Variants in LRRTM4 observed in about 807,000 individuals in gnomAD.
LRRTM4 encodes the protein leucine-rich repeat transmembrane neuronal protein 4.
LRRTM4 carries 25 observed loss-of-function variants against 47.6 expected under a neutral mutation model. That is an observed-to-expected ratio of 0.53 (90% CI 0.38 to 0.73). The LOEUF is 0.73. LRRTM4 is among the 30% of genes least tolerant of loss of function. The probability of loss-of-function intolerance (pLI) is 0.00; values close to 1 mark genes in which losing one functional copy is unlikely to be tolerated. For synonymous variants in LRRTM4, 311 were observed against 269.5 expected, an observed-to-expected ratio of 1.15 and a Z score of -1.51; for missense variants, 638 against 713.4, an observed-to-expected ratio of 0.89 and a Z score of 1.20.
At chr2:76,754,333 A>G (rs1186821127) in intron 3 of LRRTM4, among the ~76,000 whole-genome samples, 1 of 152,174 alleles carries the variant, frequency 6.6e-6, no homozygotes, top group East Asian at 1.9e-4. Flanking sequence ...GTTTTTTTCA[A>G]GAACTTTTAT....
At chr2:77,254,863 A>G (rs1222608643) in intron 3 of LRRTM4, among the ~76,000 whole-genome samples, 1 of 151,462 alleles carries the variant, frequency 6.6e-6, no homozygotes, top group Non-Finnish European at 1.5e-5. Flanking sequence ...ATAGAAGTAA[A>G]AGCGAACAGA....
intron 3 of LRRTM4, among the ~76,000 whole-genome samples, chr2:76,905,080 C>G (rs1673778272): frequency 6.6e-6 from 1 of 152,102 alleles, no homozygotes; most frequent in African/African-American, 2.4e-5. Context: ...CACTGAGCAG[C>G]CTAACTAGGA....
chr2:77,103,275 A>G (rs1289091160), intron 3 of LRRTM4, among the ~76,000 whole-genome samples: 1 of 152,234 alleles, frequency 6.6e-6, no homozygotes, highest in Non-Finnish European at 1.5e-5. Context: ...TTTACCGCAG[A>G]AAATAAAAGA....
At chr2:76,839,833 T>C (rs1433783169) in intron 3 of LRRTM4, among the ~76,000 whole-genome samples, 2 of 152,100 alleles carry the variant, frequency 1.3e-5, no homozygotes, top group Non-Finnish European at 2.9e-5. Flanking sequence ...TAAAAATGCA[T>C]AAAAAGAAAG....
At chr2:77,378,964 T>G (rs1672943827) in intron 3 of LRRTM4, among the ~76,000 whole-genome samples, 1 of 152,182 alleles carries the variant, frequency 6.6e-6, no homozygotes, top group African/African-American at 2.4e-5. Flanking sequence ...ATGTTCATTA[T>G]CACTGAAAAT....
At position 77,521,531 on chromosome 2, in the gene LRRTM4, T is replaced by C. The variant is rs930583412; in HGVS notation, c.4+137A>G. On this transcript the variant is annotated intron_variant, in intron 2 of 3. Coordinates refer to ENST00000409884, the MANE Select transcript of LRRTM4 (RefSeq NM_001134745.3). ...TGATCTAAAAATATAATAGCAACTATAGTGAATCAACTGGCAAACTCAAAG... is the reference window on the plus strand; with the variant it reads ...TGATCTAAAAATATAATAGCAACTACAGTGAATCAACTGGCAAACTCAAAG... The C allele has an allele frequency of 8.5e-5, 77 of 908,778 alleles. 1 individual carries two copies. Among genetic ancestry groups the C allele is most frequent in the Non-Finnish European group, 1.0e-4 (60 of 576,072 alleles). The allele number at this position is 908,778 out of a possible 1,614,324, so 56.3% of individuals were successfully genotyped here.
intron 3 of LRRTM4, among the ~76,000 whole-genome samples, chr2:77,387,546 T>C (rs192576040): frequency 6.6e-6 from 1 of 152,200 alleles, no homozygotes; most frequent in Non-Finnish European, 1.5e-5. Flanking sequence ...GTTGGCCTAC[T>C]TTGCATTACT....
chr2:77,226,509 G>A (rs1219893482), intron 3 of LRRTM4, among the ~76,000 whole-genome samples: 1 of 147,518 alleles, frequency 6.8e-6, no homozygotes, highest in African/African-American at 2.5e-5. Context: ...ATTTTCTACT[G>A]ATGTGCTTAT....
chr2:77,249,991 A>T (rs1675559168), intron 3 of LRRTM4, among the ~76,000 whole-genome samples: 1 of 152,226 alleles, frequency 6.6e-6, no homozygotes, highest in Admixed American at 6.5e-5. Flanking sequence ...TCAGTGCTGA[A>T]AAGAAGTGAG....
At chr2:77,298,397 C>T (rs955270955) in intron 3 of LRRTM4, among the ~76,000 whole-genome samples, 19 of 152,192 alleles carry the variant, frequency 1.2e-4, no homozygotes, top group African/African-American at 2.6e-4. Flanking sequence ...CCACCACGCC[C>T]GGCTAATTTT....
intron 3 of LRRTM4, among the ~76,000 whole-genome samples, chr2:77,132,063 C>T (rs185678145): frequency 1.6e-3 from 239 of 152,264 alleles, no homozygotes; most frequent in Non-Finnish European, 2.9e-3. Flanking sequence ...TAATTATAGT[C>T]ATCTTGCTCT....
At chr2:76,779,322 C>A (rs1200022736) in intron 3 of LRRTM4, among the ~76,000 whole-genome samples, 41 of 141,542 alleles carry the variant, frequency 2.9e-4, no homozygotes, top group South Asian at 1.2e-3. Context: ...TCCTTGTTGA[C>A]TTTCTGTCTC....
intron 3 of LRRTM4, among the ~76,000 whole-genome samples, chr2:76,858,413 A>C (rs966153393): frequency 3.3e-5 from 5 of 152,174 alleles, no homozygotes; most frequent in Admixed American, 1.3e-4. Context: ...CAGGCTTCCA[A>C]CTGAAACTAT....
At chr2:76,852,552 ATTAT>A (rs543408510) in intron 3 of LRRTM4, among the ~76,000 whole-genome samples, 59 of 152,254 alleles carry the variant, frequency 3.9e-4, no homozygotes, top group Non-Finnish European at 7.6e-4. Flanking sequence ...ATCTTATGTT[ATTAT>A]TTATTAAATT....
intron 3 of LRRTM4, among the ~76,000 whole-genome samples, chr2:76,825,875 A>G (rs2103875512): frequency 6.6e-6 from 1 of 151,700 alleles, no homozygotes; most frequent in Non-Finnish European, 1.5e-5. Context: ...CAGGAGGCAA[A>G]ACAAGAGATT....
intron 3 of LRRTM4, among the ~76,000 whole-genome samples, chr2:77,396,542 A>G (rs1673710805): frequency 1.3e-5 from 2 of 151,972 alleles, no homozygotes; most frequent in Admixed American, 1.3e-4. Context: ...TTGAGTCTAC[A>G]AATTTTTTAA....
chr2:77,255,429 A>T (rs1268345104), intron 3 of LRRTM4, among the ~76,000 whole-genome samples: 1 of 151,982 alleles, frequency 6.6e-6, no homozygotes, highest in African/African-American at 2.4e-5. Context: ...GATCTACTTG[A>T]TATTTATTGG....
chr2:77,097,071 A>G (rs1308473527), intron 3 of LRRTM4, among the ~76,000 whole-genome samples: 1 of 151,938 alleles, frequency 6.6e-6, no homozygotes, highest in Non-Finnish European at 1.5e-5. Context: ...CTAATCAATG[A>G]CAAGCTGGTA....
At chr2:77,152,127 T>G (rs1196051023) in intron 3 of LRRTM4, among the ~76,000 whole-genome samples, 1 of 152,154 alleles carries the variant, frequency 6.6e-6, no homozygotes, top group Admixed American at 6.6e-5. Context: ...CGCCTTCTGG[T>G]AATTATGAAA....
Sources: allele counts gnomAD v4.1 joint callset (sites outside exome capture counted in the v4.1 genomes callset), GRCh38; gene constraint gnomAD v4.1.1; transcripts MANE v1.5; gene names NCBI Gene and HGNC (gene_info 2026-07-23, HGNC 2026-07-21).